TEP1: variants seen among roughly 807,000 people sequenced by gnomAD.
TEP1 encodes telomerase protein component 1.
Under a neutral mutation model 306.3 loss-of-function variants are expected in TEP1, and 241 were observed. The ratio of observed to expected loss-of-function variants is 0.79; its 90% CI spans 0.71 to 0.88. The LOEUF (loss-of-function observed/expected upper bound fraction) is 0.88, where lower values mean the gene tolerates loss of function less well. TEP1 is among the 40% of genes least tolerant of loss of function. The pLI, the probability that TEP1 is intolerant of heterozygous loss-of-function variation, is 0.00. For synonymous variants in TEP1, 1,289 were observed against 1,305.5 expected (o/e 0.99, Z 0.27); for missense variants, 3,051 against 3,276.1 (o/e 0.93, Z 1.68).
rs367826977 is a variant in TEP1, at chr14:20,378,839, T to C, written c.5267A>G (p.Lys1756Arg). The C allele has an allele frequency of 9.2e-5, 149 of 1,614,080 alleles. 3 individuals are homozygous for C. In the South Asian group the frequency reaches 1.6e-3, roughly 17 times the overall value. Residue 1756 changes from lysine (K) to arginine (R), a missense_variant, in exon 37 of 55, where the codon AAG (lysine) becomes AGG (arginine). Lys to Arg is a conservative substitution (Grantham distance 26). Around this residue, in one of 3 missense-constraint regions of TEP1, gnomAD observed 1,540 missense variants for 1,705.9 expected, o/e 0.90. Coordinates refer to ENST00000262715, the MANE Select transcript of TEP1 (RefSeq NM_007110.5). ...GCCAGTGATTTGGTACTGGTGAGCC[T>C]TAGTCTGCAGCACCCTATCCCAGGA... ...LQHGCRVLQT[K>R]AHQYQITGCC...
At chr14:20,403,473 C>T (rs1295746114) in intron 6 of TEP1, 25 bp from the exon 7 acceptor site, 1 of 1,609,614 alleles carries the variant, frequency 6.2e-7, no homozygotes, top group African/African-American at 1.3e-5. Flanking sequence ...GAAGCAATTT[C>T]AAAAAAAGGG....
At position 20,378,001 on chromosome 14, in the gene TEP1, CCACCA is replaced by C. The variant is rs1258416554; in HGVS notation, c.5721+18_5721+22del. ...CTTTGCTACTCCTCCTCACAACCCA[CCACCA>C]GCCCTCTGCAAGCTGACCTTGCCAT... On this transcript the variant is annotated intron_variant, in intron 39 of 54. Transcript: ENST00000262715. The C allele has an allele frequency of 6.2e-7, 1 of 1,611,264 alleles. No individual in the cohort carries two copies. Among genetic ancestry groups the C allele is most frequent in the Admixed American group, 1.7e-5 (1 of 60,000 alleles).
chr14:20,406,783 C>T (rs550471974), intron 2 of TEP1, among the ~76,000 whole-genome samples: 143 of 152,358 alleles, frequency 9.4e-4, no homozygotes, highest in African/African-American at 3.2e-3. Flanking sequence ...GCTGCTTAAC[C>T]TCTCTGAACC....
Position 20,373,736 on chromosome 14 carries a change from G to A in TEP1, c.6546C>T (p.Ser2182=), listed in dbSNP as rs1421868532. 1 of 1,614,078 alleles carries A rather than the reference G, an allele frequency of 6.2e-7. No homozygotes were observed. The highest frequency in any genetic ancestry group is 1.3e-5 in the African/African-American group (1 of 74,944). The change falls in exon 45 of 55, where the codon AGC becomes AGT. Residue 2182 remains serine (S), a synonymous_variant. Transcript: ENST00000262715. ...VWDHQGVELT[S]IPAHSGPISH... is the part of the protein sequence containing the mutation. ...TAATGGGTCCTGAGTGAGCAGGGATGCTGGTCAGCTCCACGCCTTGATGGT... is the reference window on the plus strand; with the variant it reads ...TAATGGGTCCTGAGTGAGCAGGGATACTGGTCAGCTCCACGCCTTGATGGT...
At chr14:20,400,032 T>C (rs1878537056) in intron 9 of TEP1, among the ~76,000 whole-genome samples, 1 of 149,418 alleles carries the variant, frequency 6.7e-6, no homozygotes, top group African/African-American at 2.5e-5. Context: ...GGCATGCGCC[T>C]GTAATCCCAG....
chr14:20,377,488 G>C lies in TEP1; in HGVS notation c.5880C>G (p.Ser1960=), dbSNP rs1333079672. ...GIRIYKISSG[S]QGAQGQALDV... ...CCAGTGCCTGACCCTGAGCCCCCTG[G>C]GAACCTAGAGAATGAGAGAGAACAA... The change falls in exon 41 of 55, where the codon TCC becomes TCG. Residue 1960 remains serine, a synonymous_variant. Transcript: ENST00000262715. 6.2e-7 allele frequency: 1 copy of C among 1,613,754 alleles called. No individual in the cohort carries two copies. Among genetic ancestry groups the C allele is most frequent in the East Asian group, 2.2e-5 (1 of 44,848 alleles).
At chr14:20,382,941 C>T (rs1876721110) in intron 27 of TEP1, among the ~76,000 whole-genome samples, 1 of 152,228 alleles carries the variant, frequency 6.6e-6, no homozygotes, top group Non-Finnish European at 1.5e-5. Context: ...CCAAAAACCA[C>T]TTGACTCATC....
rs374857354 is a variant in TEP1, at chr14:20,371,651, T to G, written c.7077-19A>C. The G allele has an allele frequency of 6.4e-7, 1 of 1,555,106 alleles. No individual in the cohort carries two copies. The highest frequency in any genetic ancestry group is 1.2e-5 in the South Asian group (1 of 80,574). On this transcript the variant is annotated intron_variant, in intron 49 of 54. Coordinates refer to ENST00000262715, the MANE Select transcript of TEP1 (RefSeq NM_007110.5). The stretch of plus-strand genomic sequence containing the variant: ...GTGAAGACTAGCTCAAAAAAGTACA[T>G]GGACAGAGAAAGATCCTATTTTAGT...
Position 20,397,781 on chromosome 14 carries a change from T to C in TEP1, c.1550-1051A>G, listed in dbSNP as rs1000054553. 3.3e-5 allele frequency among the ~76,000 whole-genome samples: 5 copies of C among 151,794 alleles called. No individual in the cohort carries two copies. The East Asian group carries it at 7.8e-4, about 24-fold the overall frequency. On this transcript the variant is annotated intron_variant, in intron 9 of 54. Coordinates refer to ENST00000262715, the MANE Select transcript of TEP1 (RefSeq NM_007110.5). ...CTTTTCTTTTTTTTTTGAGACGGAG[T>C]CTCACTCTGTCACCCAGGCTAGAGT...
At position 20,371,307 on chromosome 14, in the gene TEP1, A is replaced by G; in HGVS notation, c.7228T>C (p.Tyr2410His). Residue 2410 changes from tyrosine (Y) to histidine (H), a missense_variant, in exon 51 of 55, where the codon TAT becomes CAT. Around this residue, in one of 3 missense-constraint regions of TEP1, gnomAD observed 1,540 missense variants for 1,705.9 expected, o/e 0.90. Coordinates refer to ENST00000262715, the MANE Select transcript of TEP1 (RefSeq NM_007110.5). ...GACAATATCATAGGATTTTCTGTAT[A>G]GCTGCTCCTGGTTTGTGAGAAAGGA... is the stretch of plus-strand genomic sequence containing the variant. ...GDAPSEIWSS[Y>H]TENPMILSTH... The G allele has an allele frequency of 6.2e-7, 1 of 1,614,094 alleles. No homozygotes were observed. The highest frequency in any genetic ancestry group is 8.5e-7 in the Non-Finnish European group (1 of 1,179,940).
In TEP1 at chr14:20,368,899, G is replaced by A. The variant is rs1426574668; in HGVS notation, c.7660C>T (p.His2554Tyr). Reference sequence around the variant, plus strand: ...TGGAGGGCTGTGACAGAGCCCGAGTGAATCTCAAAGAGGAAAGGGGAGAGC... The same window carrying A: ...TGGAGGGCTGTGACAGAGCCCGAGTAAATCTCAAAGAGGAAAGGGGAGAGC... ...HLKTRQRRKI[H>Y]SGSVTALHVL... is the part of the protein sequence containing the mutation. Residue 2554 changes from histidine to tyrosine, a missense_variant, in exon 54 of 55, where the codon CAC (histidine) becomes TAC (tyrosine). This residue lies in a region of TEP1 where 1,540 missense variants were observed against 1,705.9 expected (regional missense o/e 0.90). Coordinates refer to ENST00000262715, the MANE Select transcript of TEP1 (RefSeq NM_007110.5). 1.2e-6 allele frequency: 2 copies of A among 1,612,624 alleles called. No individual in the cohort carries two copies. The highest frequency in any genetic ancestry group is 1.7e-6 in the Non-Finnish European group (2 of 1,179,152).
At position 20,382,089 on chromosome 14, in the gene TEP1, C is replaced by G. The variant is rs760665243; in HGVS notation, c.4274-26G>C. The G allele has an allele frequency of 1.9e-5, 30 of 1,613,454 alleles. No individual in the cohort carries two copies. The East Asian group carries it at 6.7e-4, about 36-fold the overall frequency. ...CTGAAAACTCAAGCTCTCTGAGGCCCTCATCTAACCATACGGTGTCCCCGC... is the reference window on the plus strand; with the variant it reads ...CTGAAAACTCAAGCTCTCTGAGGCCGTCATCTAACCATACGGTGTCCCCGC... On this transcript the variant is annotated intron_variant, in intron 29 of 54. Transcript: ENST00000262715.
Position 20,395,908 on chromosome 14 carries a change from A to G in TEP1, c.1701T>C (p.Leu567=), listed in dbSNP as rs770277833. The change falls in exon 11 of 55, where the codon CTT becomes CTC. Residue 567 remains leucine (L), a synonymous_variant. Coordinates refer to ENST00000262715, the MANE Select transcript of TEP1 (RefSeq NM_007110.5). ...GGGCATCAATGGCATCATGGGCGTT[A>G]AGAAATCTGAATGGAAACTGCCGAC... is the stretch of plus-strand genomic sequence containing the variant. The part of the protein sequence containing the change: ...IHSRQFPFRF[L]NAHDAIDALE... 2 of 1,614,130 alleles carry G rather than the reference A, an allele frequency of 1.2e-6. No homozygotes were observed. The highest frequency in any genetic ancestry group is 2.2e-5 in the South Asian group (2 of 91,074).
chr14:20,393,173 T>C (rs1019603442), intron 12 of TEP1, among the ~76,000 whole-genome samples: 1 of 150,992 alleles, frequency 6.6e-6, no homozygotes, highest in Non-Finnish European at 1.5e-5. Flanking sequence ...GCCGAGATTG[T>C]GCCACTGCAC....
chr14:20,368,482 G>T lies in TEP1; in HGVS notation c.7839C>A (p.Ala2613=), dbSNP rs376015778. 1.2e-6 allele frequency: 2 copies of T among 1,613,960 alleles called. No homozygotes were observed. Among genetic ancestry groups the T allele is most frequent in the African/African-American group, 2.7e-5 (2 of 74,908 alleles). The change falls in exon 55 of 55, where the codon GCC becomes GCA. Residue 2613 remains alanine, a synonymous_variant. Coordinates refer to ENST00000262715, the MANE Select transcript of TEP1 (RefSeq NM_007110.5). ...ACACATTGCCCTGCACGTCTCCCACGGCAAGCTGCAGGGTGGAGTTAGCGC... is the reference window on the plus strand; with the variant it reads ...ACACATTGCCCTGCACGTCTCCCACTGCAAGCTGCAGGGTGGAGTTAGCGC... ...WLGANSTLQL[A]VGDVQGNVYF... is the part of the protein sequence containing the mutation.
rs551775773 is a variant in TEP1, at chr14:20,373,371, C to T, written c.6713G>A (p.Ser2238Asn). The part of the protein sequence containing the change: ...VCQTHTLLGH[S>N]GPVRAAAVSE... ...AACAGCAGCAGCACGGACTGGGCCG[C>T]TGTGTCCCAGGAGGGTGTGGGTTTG... Residue 2238 changes from serine to asparagine, a missense_variant, in exon 47 of 55, where the codon AGC becomes AAC. Around this residue, in one of 3 missense-constraint regions of TEP1, gnomAD observed 1,540 missense variants for 1,705.9 expected, o/e 0.90. Coordinates refer to ENST00000262715, the MANE Select transcript of TEP1 (RefSeq NM_007110.5). 2.5e-6 allele frequency: 4 copies of T among 1,614,192 alleles called. 1 individual carries two copies. The South Asian group carries it at 4.4e-5, about 18-fold the overall frequency.
intron 12 of TEP1, among the ~76,000 whole-genome samples, chr14:20,394,323 T>A (rs556448529): frequency 1.3e-5 from 2 of 152,292 alleles, no homozygotes; most frequent in East Asian, 3.9e-4. Context: ...ACAAAAGTTA[T>A]GAATATTTCA....
chr14:20,404,933 G>A (rs1243709207), intron 4 of TEP1, among the ~76,000 whole-genome samples, 161 bp from the exon 5 acceptor site: 3 of 152,160 alleles, frequency 2.0e-5, no homozygotes, highest in Non-Finnish European at 4.4e-5. Context: ...GGCATTCTAA[G>A]TCCTCCATAC....
At chr14:20,385,206 CCT>C (rs1877028524) in intron 20 of TEP1, 97 bp from the exon 21 acceptor site, 50 of 1,479,908 alleles carry the variant, frequency 3.4e-5, no homozygotes, top group Non-Finnish European at 4.6e-5. Flanking sequence ...CTCTGATGTT[CCT>C]CTCTCCTTCC....
Sources: allele counts gnomAD v4.1 joint callset (sites outside exome capture counted in the v4.1 genomes callset), GRCh38; gene constraint gnomAD v4.1.1; regional missense constraint gnomAD v4.1.1; transcripts MANE v1.5; gene names NCBI Gene and HGNC (gene_info 2026-07-23, HGNC 2026-07-21).